The following LCLAT1 variants were observed in gnomAD, a reference collection of about 807,000 sequenced individuals.
LCLAT1 encodes the protein lysocardiolipin acyltransferase 1.
LCLAT1 carries 11 observed loss-of-function variants against 30.7 expected under a neutral mutation model. The observed-to-expected ratio is 0.36, with a 90% CI of 0.23 to 0.59. The LOEUF is 0.59. LCLAT1 is among the 20% of genes least tolerant of loss of function. The pLI is 0.77. For missense variants in LCLAT1, 402 were observed against 458.6 expected (o/e 0.88, Z 1.13); for synonymous variants, 155 against 151.3 (o/e 1.02, Z -0.18).
At chr2:30,590,185 A>G (rs1666627908) in intron 5 of LCLAT1, among the ~76,000 whole-genome samples, 1 of 152,092 alleles carries the variant, frequency 6.6e-6, no homozygotes, top group Non-Finnish European at 1.5e-5. Context: ...AAAGGCCTTC[A>G]TTTTAAATAA....
At chr2:30,496,251 AT>A (rs769428034) in intron 1 of LCLAT1, among the ~76,000 whole-genome samples, 6 of 152,166 alleles carry the variant, frequency 3.9e-5, no homozygotes, top group African/African-American at 7.2e-5. Flanking sequence ...GGGGATTGCA[AT>A]TCAACATGAG....
intron 4 of LCLAT1, among the ~76,000 whole-genome samples, chr2:30,566,389 T>C (rs1264889841): frequency 6.6e-6 from 1 of 152,146 alleles, no homozygotes; most frequent in Non-Finnish European, 1.5e-5. Context: ...AAATATTGTT[T>C]TGTAGCCCCA....
intron 3 of LCLAT1, among the ~76,000 whole-genome samples, chr2:30,551,468 T>C (rs752655547): frequency 6.6e-6 from 1 of 152,048 alleles, no homozygotes. Flanking sequence ...CCTAGATCCC[T>C]TTTTTTTATG....
At chr2:30,558,757 G>A (rs569743230) in intron 3 of LCLAT1, among the ~76,000 whole-genome samples, 2 of 152,290 alleles carry the variant, frequency 1.3e-5, no homozygotes, top group East Asian at 3.9e-4. Context: ...TACATTTTCA[G>A]TGGGAGTGGC....
At chr2:30,491,100 A>G (rs10207070) in intron 1 of LCLAT1, among the ~76,000 whole-genome samples, 37,437 of 152,146 alleles carry the variant, frequency 0.25, 5,152 homozygotes, top group Non-Finnish European at 0.31. Context: ...GGGTATTGCT[A>G]TTGTAGAAAG....
At chr2:30,488,641 T>G (rs2148323000) in intron 1 of LCLAT1, among the ~76,000 whole-genome samples, 1 of 152,380 alleles carries the variant, frequency 6.6e-6, no homozygotes, top group South Asian at 2.1e-4. Flanking sequence ...GAAATAAGTT[T>G]TAGCACTCAA....
At position 30,470,915 on chromosome 2, in the gene LCLAT1, C is replaced by CT. The variant is rs35399245; in HGVS notation, c.-5+23548dup. On this transcript the variant is annotated intron_variant, in intron 1 of 5. Transcript: ENST00000379509. ...TTTTCATTTTATTTATTTATTCATT[C>CT]TTTTTTTTTTTTTTTTGAGACAGAG... is the stretch of plus-strand genomic sequence containing the variant. Among the ~76,000 whole-genome samples the CT allele has an allele frequency of 4.8e-3, 645 of 135,734 alleles. 3 individuals carry two copies. Among genetic ancestry groups the CT allele is most frequent in the African/African-American group, 0.01 (385 of 37,250 alleles). The allele number at this position is 135,734 out of a possible 152,430, so 89.0% of individuals were successfully genotyped here.
intron 1 of LCLAT1, among the ~76,000 whole-genome samples, chr2:30,514,475 T>C (rs930989651): frequency 1.3e-5 from 2 of 152,226 alleles, no homozygotes; most frequent in African/African-American, 4.8e-5. Context: ...TTCAGCAGAT[T>C]ACTTCCATGT....
intron 3 of LCLAT1, among the ~76,000 whole-genome samples, chr2:30,561,505 T>A (rs1424372234): frequency 2.0e-5 from 3 of 152,208 alleles, no homozygotes; most frequent in African/African-American, 7.2e-5. Context: ...GCTGGTCATC[T>A]AAAACATGGC....
chr2:30,636,378 G>T (rs1193195206), intron 5 of LCLAT1, among the ~76,000 whole-genome samples: 1 of 152,200 alleles, frequency 6.6e-6, no homozygotes, highest in Non-Finnish European at 1.5e-5. Flanking sequence ...AGGAGGTAAA[G>T]TTAGAGAAAA....
intron 3 of LCLAT1, among the ~76,000 whole-genome samples, chr2:30,558,723 T>C (rs1665054064): frequency 1.3e-5 from 2 of 151,758 alleles, no homozygotes; most frequent in Admixed American, 6.6e-5. Context: ...GGGGAAAATA[T>C]AGATAGAGCA....
chr2:30,616,182 G>A (rs1440354132), intron 5 of LCLAT1, among the ~76,000 whole-genome samples: 1 of 152,108 alleles, frequency 6.6e-6, no homozygotes, highest in African/African-American at 2.4e-5. Flanking sequence ...CGGTTTTTTT[G>A]TTGTTGTATT....
intron 1 of LCLAT1, among the ~76,000 whole-genome samples, chr2:30,522,997 C>G (rs1342300749): frequency 6.6e-6 from 1 of 151,886 alleles, no homozygotes; most frequent in African/African-American, 2.4e-5. Context: ...TTAATCACAT[C>G]AAATCAGAAA....
chr2:30,447,706 C>G (rs1283681729), intron 1 of LCLAT1, among the ~76,000 whole-genome samples: 1 of 152,234 alleles, frequency 6.6e-6, no homozygotes, highest in African/African-American at 2.4e-5. Flanking sequence ...TCGGTGTTTA[C>G]GCTAGGAGCG....
chr2:30,635,239 T>C (rs568009417), intron 5 of LCLAT1, among the ~76,000 whole-genome samples: 39 of 137,580 alleles, frequency 2.8e-4, no homozygotes, highest in African/African-American at 7.7e-4. Flanking sequence ...TATATATATA[T>C]ACACAAATAT....
intron 1 of LCLAT1, among the ~76,000 whole-genome samples, chr2:30,502,421 A>G (rs76425538): frequency 0.015 from 2,230 of 152,202 alleles, 20 homozygotes; most frequent in Non-Finnish European, 0.022. Flanking sequence ...GTACAGGTCA[A>G]TTGTTTTTAG....
chr2:30,620,271 C>G (rs1205525525), intron 5 of LCLAT1, among the ~76,000 whole-genome samples: 1 of 152,164 alleles, frequency 6.6e-6, no homozygotes, highest in Non-Finnish European at 1.5e-5. Flanking sequence ...ATCATCATCT[C>G]TTGGAGTGCT....
chr2:30,470,034 A>G (rs1682697410), intron 1 of LCLAT1, among the ~76,000 whole-genome samples: 1 of 152,098 alleles, frequency 6.6e-6, no homozygotes, highest in Non-Finnish European at 1.5e-5. Flanking sequence ...CCCAGCAAGA[A>G]TCTGCATCTG....
chr2:30,639,557 T>C (rs923876763), intron 5 of LCLAT1, among the ~76,000 whole-genome samples: 2 of 152,178 alleles, frequency 1.3e-5, no homozygotes, highest in Admixed American at 6.5e-5. Context: ...TCCTCCCGAG[T>C]ACCTGGGCTT....
Sources: gnomAD v4.1 joint callset for allele counts (sites outside exome capture counted in the v4.1 genomes callset) on GRCh38, gnomAD v4.1.1 for gene constraint, MANE v1.5 for transcripts, NCBI Gene and HGNC (gene_info 2026-07-23, HGNC 2026-07-21) for gene names.